PGAP4: variants seen among roughly 807,000 people sequenced by gnomAD.
PGAP4 encodes post-GPI attachment to proteins GalNAc transferase 4.
PGAP4 carries 12 observed loss-of-function variants against 28.2 expected under a neutral mutation model. That is an observed-to-expected ratio of 0.42 (90% CI 0.27 to 0.69). The LOEUF (loss-of-function observed/expected upper bound fraction) is 0.69. Among genes scored for constraint, PGAP4 ranks in the 30% least tolerant of loss-of-function variants. The pLI, the probability that PGAP4 is intolerant of heterozygous loss-of-function variation, is 0.22. For missense variants in PGAP4, 425 were observed against 513.5 expected (o/e 0.83, Z 1.67); for synonymous variants, 205 against 211.8 (o/e 0.97, Z 0.28).
At chr9:101,512,820 AT>A (rs550887742) in intron 2 of PGAP4, among the ~76,000 whole-genome samples, 2,440 of 152,076 alleles carry the variant, frequency 0.016, 27 homozygotes, top group Non-Finnish European at 0.027. Flanking sequence ...TTTGCATTCA[AT>A]TTTTTTTAAA....
chr9:101,509,467 A>G (rs1174537403), intron 2 of PGAP4, among the ~76,000 whole-genome samples: 3 of 152,158 alleles, frequency 2.0e-5, no homozygotes, highest in Non-Finnish European at 4.4e-5. Flanking sequence ...ATGTGCTGCC[A>G]GTGGTGACTA....
chr9:101,518,562 C>T (rs555724317), intron 2 of PGAP4, among the ~76,000 whole-genome samples: 16 of 152,252 alleles, frequency 1.1e-4, no homozygotes, highest in African/African-American at 2.9e-4. Context: ...TATTCTCATA[C>T]GATGTTTGGT....
chr9:101,503,814 A>G (rs1826824247), intron 2 of PGAP4, among the ~76,000 whole-genome samples: 1 of 151,974 alleles, frequency 6.6e-6, no homozygotes, highest in South Asian at 2.1e-4. Context: ...CTGGGTACCA[A>G]TTGTGGTAAG....
At chr9:101,521,935 A>G (rs1826991761) in intron 2 of PGAP4, among the ~76,000 whole-genome samples, 2 of 152,128 alleles carry the variant, frequency 1.3e-5, no homozygotes, top group African/African-American at 2.4e-5. Context: ...CATTTCAAAT[A>G]ATTTTTAAAT....
rs1470427127 is a variant in PGAP4 at position 101,476,056 on chromosome 9, C to T, written c.1037G>A (p.Arg346Gln). ...AMLFPAPAAR[R>Q]TLTYLSQVYC... ...CACTTGGGACAGGTAGGTGAGGGTCCGGCGGGCCGCAGGTGCCGGGAAGAG... is the reference window on the plus strand; with the variant it reads ...CACTTGGGACAGGTAGGTGAGGGTCTGGCGGGCCGCAGGTGCCGGGAAGAG... Residue 346 changes from arginine (R) to glutamine (Q), a missense_variant, in exon 2 of 2, where the codon CGG becomes CAG. By Grantham distance (43) the Arg-to-Gln change is conservative (BLOSUM62 1). Coordinates refer to ENST00000374848, the MANE Select transcript of PGAP4 (RefSeq NM_032342.3). This position sits in a 1 kb window ranked among gnomAD's most constrained non-coding sequence, Gnocchi z 7.0. The T allele has an allele frequency of 8.1e-6, 13 of 1,614,012 alleles. No individual in the cohort carries two copies. The highest frequency in any genetic ancestry group is 3.3e-5 in the South Asian group (3 of 91,080).
Position 101,476,551 on chromosome 9 carries a change from G to T in PGAP4, c.542C>A (p.Thr181Asn). ...TEDDYGDDPS[T>N]NSFEKEKQDY... is the part of the protein sequence containing the mutation. ...CTGCTTCTCTTTCTCAAACGAGTTG[G>T]TCGAAGGGTCATCACCATAATCATC... is the stretch of plus-strand genomic sequence containing the variant. Residue 181 changes from threonine to asparagine, a missense_variant, in exon 2 of 2, where the codon ACC (threonine) becomes AAC (asparagine). Coordinates refer to ENST00000374848, the MANE Select transcript of PGAP4 (RefSeq NM_032342.3). The surrounding 1 kb of genome is among the most constrained non-coding windows in gnomAD (Gnocchi z 7.0). The T allele has an allele frequency of 6.2e-7, 1 of 1,614,158 alleles. No homozygotes were observed. The highest frequency in any genetic ancestry group is 8.5e-7 in the Non-Finnish European group (1 of 1,180,036).
intron 2 of PGAP4, among the ~76,000 whole-genome samples, chr9:101,505,139 C>G (rs1210159021): frequency 2.6e-5 from 4 of 152,088 alleles, no homozygotes; most frequent in Non-Finnish European, 4.4e-5. Flanking sequence ...ACTGAGTACT[C>G]CACTTTGCAG....
chr9:101,490,229 G>A (rs146447567), upstream of PGAP4, among the ~76,000 whole-genome samples: 22 of 151,790 alleles, frequency 1.4e-4, no homozygotes, highest in Admixed American at 5.9e-4. Context: ...TCAGTCTGTC[G>A]CCGAGGCTGG....
chr9:101,502,206 A>T (rs900077443), intron 2 of PGAP4, among the ~76,000 whole-genome samples: 1 of 152,030 alleles, frequency 6.6e-6, no homozygotes, highest in Non-Finnish European at 1.5e-5. Flanking sequence ...TACTCTGTTG[A>T]CACTCTTAAT....
intron 2 of PGAP4, among the ~76,000 whole-genome samples, chr9:101,493,507 A>G (rs756117880): frequency 6.6e-6 from 1 of 152,112 alleles, no homozygotes; most frequent in South Asian, 2.1e-4. Flanking sequence ...TTTTCAGTTT[A>G]ACTAATAGAT....
rs752201983 is a variant in PGAP4 at position 101,486,630 on chromosome 9, A to G, written c.-78+319T>C. Reference sequence around the variant, plus strand: ...ACCTGTCAGCGCAGCTGGCGCAGGCAAGGGCCAGGGAGGCGCCCCCGAGAC... The same window carrying G: ...ACCTGTCAGCGCAGCTGGCGCAGGCGAGGGCCAGGGAGGCGCCCCCGAGAC... On this transcript the variant is annotated intron_variant, in intron 1 of 1. Transcript: ENST00000374848. The surrounding 1 kb of genome is among the most constrained non-coding windows in gnomAD (Gnocchi z 4.7). Among the ~76,000 whole-genome samples, 23 of 144,388 alleles carry G rather than the reference A, an allele frequency of 1.6e-4. No homozygotes were observed. Among genetic ancestry groups the G allele is most frequent in the South Asian group, 4.5e-4 (2 of 4,460 alleles). The allele number at this position is 144,388 out of a possible 152,430, so 94.7% of individuals were successfully genotyped here.
At chr9:101,521,146 C>G (rs913552081) in intron 2 of PGAP4, among the ~76,000 whole-genome samples, 1 of 152,072 alleles carries the variant, frequency 6.6e-6, no homozygotes, top group Non-Finnish European at 1.5e-5. Context: ...ATTTTAGTGT[C>G]TGTATTCATC....
At chr9:101,482,073 C>T (rs920484486) in intron 1 of PGAP4, among the ~76,000 whole-genome samples, 5 of 152,180 alleles carry the variant, frequency 3.3e-5, no homozygotes, top group African/African-American at 1.2e-4. Flanking sequence ...CTCGTCCCAA[C>T]ACTCACTAAT....
chr9:101,487,723 G>A (rs1826646637), upstream of PGAP4, among the ~76,000 whole-genome samples: 1 of 152,170 alleles, frequency 6.6e-6, no homozygotes, highest in Admixed American at 6.5e-5. Context: ...ACAGTTTGCT[G>A]CCTGTTCTTG....
At chr9:101,481,509 C>T (rs989405516) in intron 1 of PGAP4, 3 of 152,264 alleles carry the variant, frequency 2.0e-5, no homozygotes, top group African/African-American at 7.2e-5. Context: ...CTTATCTATG[C>T]TTTGCATGTG....
intron 2 of PGAP4, among the ~76,000 whole-genome samples, chr9:101,529,699 T>C (rs759589517): frequency 5.9e-5 from 9 of 151,640 alleles, no homozygotes; most frequent in Non-Finnish European, 1.2e-4. Context: ...GAGGCAGGGG[T>C]ATGGAAATGA....
At chr9:101,477,709 C>T (rs1313533086) in intron 1 of PGAP4, among the ~76,000 whole-genome samples, 1 of 152,210 alleles carries the variant, frequency 6.6e-6, no homozygotes, top group Admixed American at 6.5e-5. Flanking sequence ...TATTTAATGT[C>T]ATTTTCCATT....
chr9:101,512,506 A>G (rs918150720), intron 2 of PGAP4, among the ~76,000 whole-genome samples: 2 of 152,110 alleles, frequency 1.3e-5, no homozygotes. Context: ...GCTTCCCTCT[A>G]TTTTTACATG....
chr9:101,496,895 T>C (rs1173196673), intron 2 of PGAP4, among the ~76,000 whole-genome samples: 1 of 150,580 alleles, frequency 6.6e-6, no homozygotes, highest in Non-Finnish European at 1.5e-5. Context: ...ACCTTCAAAT[T>C]AGACAAAATT....
Sources: allele counts gnomAD v4.1 joint callset (sites outside exome capture counted in the v4.1 genomes callset), GRCh38; gene constraint gnomAD v4.1.1; non-coding constraint Gnocchi (gnomAD v3.1); transcripts MANE v1.5; gene names NCBI Gene and HGNC (gene_info 2026-07-23, HGNC 2026-07-21).